The following SH3D19 variants were observed in gnomAD, a reference collection of about 807,000 sequenced individuals.
The protein encoded by SH3D19 is SH3 domain containing 19, also known as SH3 domain-containing protein 19.
A neutral mutation model predicts 112.1 loss-of-function variants in SH3D19; 58 were observed. The observed-to-expected ratio is 0.52, with a 90% CI of 0.42 to 0.64. The LOEUF is 0.64. Ranked by LOEUF, SH3D19 falls within the 30% of genes least tolerant of loss-of-function variation. The probability of loss-of-function intolerance (pLI) is 0.00; values close to 1 mark genes in which losing one functional copy is unlikely to be tolerated. For synonymous variants in SH3D19, 391 were observed against 448.5 expected (o/e 0.87, Z 1.62); for missense variants, 1,090 against 1,263.4 (o/e 0.86, Z 2.08).
intron 8 of SH3D19, 133 bp from the exon 9 acceptor site, chr4:151,159,485 A>G (rs527968152): frequency 3.3e-6 from 2 of 604,854 alleles, no homozygotes; most frequent in African/African-American, 3.9e-5. Flanking sequence ...CAAATGAGAA[A>G]GAGCTCCCAG....
chr4:151,128,413 C>T, intron 17 of SH3D19, 57 bp from the exon 18 acceptor site: 1 of 1,443,864 alleles, frequency 6.9e-7, no homozygotes, highest in South Asian at 1.5e-5. Context: ...AAATTGAGTT[C>T]TACAAAGCTT....
At chr4:151,302,302 T>G (rs1378224562) in intron 1 of SH3D19, among the ~76,000 whole-genome samples, 1 of 152,222 alleles carries the variant, frequency 6.6e-6, no homozygotes, top group African/African-American at 2.4e-5. Context: ...TACACAATAC[T>G]GAGCTCTAGA....
In SH3D19 at chr4:151,275,289, G is replaced by A. The variant is rs148980376; in HGVS notation, c.113-49203C>T. 7.2e-5 allele frequency among the ~76,000 whole-genome samples: 11 copies of A among 152,032 alleles called. No homozygotes were observed. The East Asian group carries it at 1.9e-3, about 27-fold the overall frequency. On this transcript the variant is annotated intron_variant, in intron 1 of 19. Transcript: ENST00000604030. ...TTTTTAGTAGAGACGGGTTTTCACT[G>A]TGTTAGCCAGGATGGTCTCGATCTC... is the stretch of plus-strand genomic sequence containing the variant.
rs555162198 is a variant in SH3D19 at position 151,310,640 on chromosome 4, C to T, written c.112+14601G>A. ...AGGCTGGAGTGCAGTGGTAGGATCT[C>T]GGCTCACTGCAACCTCCACCTCCCG... On this transcript the variant is annotated intron_variant, in intron 1 of 19. Coordinates refer to ENST00000604030, the MANE Select transcript of SH3D19 (RefSeq NM_001378122.1). Among the ~76,000 whole-genome samples the T allele has an allele frequency of 1.2e-3, 182 of 150,452 alleles. 1 individual carries two copies. Among genetic ancestry groups the T allele is most frequent in the African/African-American group, 4.2e-3 (173 of 40,928 alleles).
rs758462832 is a variant in SH3D19, at chr4:151,265,050, AC to A, written c.113-38965del. ...AAAATGATAATTTTCATAAATAATC[AC>A]AAAAGGTAATTACATAATAATAAAT... On this transcript the variant is annotated intron_variant, in intron 1 of 19. Coordinates refer to ENST00000604030, the MANE Select transcript of SH3D19 (RefSeq NM_001378122.1). Among the ~76,000 whole-genome samples, 10 of 152,278 alleles carry A rather than the reference AC, an allele frequency of 6.6e-5. No homozygotes were observed. In the East Asian group the frequency reaches 1.5e-3, roughly 23 times the overall value.
intron 1 of SH3D19, among the ~76,000 whole-genome samples, chr4:151,295,748 G>A (rs971386494): frequency 3.9e-5 from 6 of 152,164 alleles, no homozygotes; most frequent in African/African-American, 1.4e-4. Context: ...CCTAGAAAAC[G>A]GTTTTTAGGC....
chr4:151,134,228 GGA>G lies in SH3D19; in HGVS notation c.2486+844_2486+845del, dbSNP rs1212717267. On this transcript the variant is annotated intron_variant, in intron 15 of 19. Transcript: ENST00000604030. ...TGCATTTGTTTTCTAAAGTCCTCTG[GGA>G]GCATCTGCTTATGTCTGACCTATTC... Among the ~76,000 whole-genome samples, 7 of 152,250 alleles carry G rather than the reference GGA, an allele frequency of 4.6e-5. No homozygotes were observed. In the East Asian group the frequency reaches 1.4e-3, roughly 29 times the overall value.
intron 9 of SH3D19, among the ~76,000 whole-genome samples, chr4:151,158,069 T>C (rs907862372): frequency 6.6e-6 from 1 of 152,098 alleles, no homozygotes; most frequent in Non-Finnish European, 1.5e-5. Flanking sequence ...TAGCTTCAAA[T>C]AGCTGGAAGG....
intron 2 of SH3D19, among the ~76,000 whole-genome samples, chr4:151,188,972 T>C (rs1171359488): frequency 6.6e-6 from 1 of 152,028 alleles, no homozygotes; most frequent in Non-Finnish European, 1.5e-5. Context: ...CACCAAAGAC[T>C]GCTGGTCAAC....
At chr4:151,153,613 A>G (rs1262592022) in intron 9 of SH3D19, among the ~76,000 whole-genome samples, 1 of 152,152 alleles carries the variant, frequency 6.6e-6, no homozygotes, top group Non-Finnish European at 1.5e-5. Context: ...TTTTTAAAAA[A>G]AAAGGGATTT....
intron 4 of SH3D19, among the ~76,000 whole-genome samples, 168 bp from the exon 5 acceptor site, chr4:151,177,123 A>G (rs1760072278): frequency 6.6e-6 from 1 of 152,250 alleles, no homozygotes; most frequent in African/African-American, 2.4e-5. Flanking sequence ...CAGTACACCC[A>G]GACAGGCTTC....
rs891086839 is a variant in SH3D19, at chr4:151,325,536, G to A, written c.-184C>T. ...CGCGAACTCCACCTGCAGCCGGCCG[G>A]GCAGCGGCAGGGCGCGGGCCGAGCC... is the stretch of plus-strand genomic sequence containing the variant. On this transcript the variant is annotated 5_prime_UTR_variant, in exon 1 of 20. Transcript: ENST00000604030. The A allele has an allele frequency of 4.7e-5, 14 of 299,120 alleles. No individual in the cohort carries two copies. The highest frequency in any genetic ancestry group is 7.9e-5 in the Non-Finnish European group (13 of 163,842). 18.5% of individuals were successfully genotyped at this position (299,120 alleles called of 1,614,324 possible).
chr4:151,221,703 T>C (rs1580244086), intron 2 of SH3D19, among the ~76,000 whole-genome samples: 1 of 152,322 alleles, frequency 6.6e-6, no homozygotes, highest in Admixed American at 6.5e-5. Flanking sequence ...ATCTACTAAG[T>C]GTCAGGGTTA....
chr4:151,149,956 C>T (rs899626002), intron 9 of SH3D19, among the ~76,000 whole-genome samples: 6 of 151,664 alleles, frequency 4.0e-5, no homozygotes, highest in South Asian at 2.1e-4. Context: ...GAGGCTGAGG[C>T]GGGTGGATCA....
intron 2 of SH3D19, among the ~76,000 whole-genome samples, chr4:151,220,653 CT>C (rs1458216296): frequency 6.6e-6 from 1 of 152,162 alleles, no homozygotes; most frequent in African/African-American, 2.4e-5. Flanking sequence ...CTCCATGGTA[CT>C]TTTTCCTAGA....
chr4:151,155,686 G>T (rs910777137), intron 9 of SH3D19, among the ~76,000 whole-genome samples: 1 of 152,136 alleles, frequency 6.6e-6, no homozygotes, highest in Non-Finnish European at 1.5e-5. Context: ...AGGAGTTCAA[G>T]ACCAGCCTGG....
chr4:151,133,984 AAC>A (rs1358224349), intron 15 of SH3D19, among the ~76,000 whole-genome samples: 1 of 152,206 alleles, frequency 6.6e-6, no homozygotes, highest in Admixed American at 6.5e-5. Context: ...TTTCAATAGC[AAC>A]AGGCTAAGGA....
intron 2 of SH3D19, among the ~76,000 whole-genome samples, chr4:151,204,152 C>A (rs1369332202): frequency 6.6e-6 from 1 of 152,010 alleles, no homozygotes; most frequent in Non-Finnish European, 1.5e-5. Flanking sequence ...AGAAAAAAAA[C>A]CCTACATGAA....
chr4:151,183,772 T>C (rs575602995), intron 3 of SH3D19, among the ~76,000 whole-genome samples: 1 of 152,226 alleles, frequency 6.6e-6, no homozygotes, highest in Non-Finnish European at 1.5e-5. Context: ...CTGACTACAT[T>C]TGTTTGGGAC....
Sources: allele counts gnomAD v4.1 joint callset (sites outside exome capture counted in the v4.1 genomes callset), GRCh38; gene constraint gnomAD v4.1.1; transcripts MANE v1.5; gene names NCBI Gene and HGNC (gene_info 2026-07-23, HGNC 2026-07-21).